FBXO16: variants seen among roughly 807,000 people sequenced by gnomAD.
FBXO16 encodes F-box protein 16, also known as F-box only protein 16.
Under a neutral mutation model 41.0 loss-of-function variants are expected in FBXO16, and 31 were observed. The observed-to-expected ratio is 0.76, with a 90% CI of 0.57 to 1.02. The LOEUF is 1.02. Ranked by LOEUF, FBXO16 falls within the 50% of genes least tolerant of loss-of-function variation. The pLI, the probability that FBXO16 is intolerant of heterozygous loss-of-function variation, is 0.00. For missense variants in FBXO16, 361 were observed against 346.2 expected, an observed-to-expected ratio of 1.04 and a Z score of -0.34; for synonymous variants, 133 against 117.8, an observed-to-expected ratio of 1.13 and a Z score of -0.84.
chr8:28,463,346 TTG>T (rs1464476101), intron 4 of FBXO16, among the ~76,000 whole-genome samples: 1 of 151,186 alleles, frequency 6.6e-6, no homozygotes, highest in African/African-American at 2.4e-5. Context: ...GTGTGTATAT[TTG>T]TGTTTGTGTA....
rs538908200 is a variant in FBXO16 at position 28,433,369 on chromosome 8, T to C, written c.844-3966A>G. ...GGCCAATCAGCGCCTGAATCTTCCA[T>C]GGCTGGATGTGTTTCTGTTGCCCTG... On this transcript the variant is annotated intron_variant, in intron 7 of 8. Coordinates refer to ENST00000380254, the MANE Select transcript of FBXO16 (RefSeq NM_172366.4). Among the ~76,000 whole-genome samples, 4 of 152,366 alleles carry C rather than the reference T, an allele frequency of 2.6e-5. No homozygotes were observed. In the South Asian group the frequency reaches 6.2e-4, roughly 24 times the overall value.
chr8:28,481,005 C>A (rs1264688078), intron 2 of FBXO16, among the ~76,000 whole-genome samples: 1 of 152,018 alleles, frequency 6.6e-6, no homozygotes, highest in East Asian at 1.9e-4. Context: ...GAGGCGAGGG[C>A]GAGAGCACAT....
intron 2 of FBXO16, 85 bp from the exon 3 acceptor site, chr8:28,473,892 G>A (rs1803376860): frequency 4.0e-6 from 4 of 993,590 alleles, no homozygotes; most frequent in Middle Eastern, 5.0e-4. Flanking sequence ...TAAGGGATCG[G>A]TGAATAAACA....
chr8:28,441,249 C>G (rs968479264), intron 7 of FBXO16, among the ~76,000 whole-genome samples: 2 of 152,152 alleles, frequency 1.3e-5, no homozygotes, highest in Non-Finnish European at 2.9e-5. Context: ...CCACCTCTTC[C>G]CTTCCAGGAG....
chr8:28,453,584 A>C (rs763883630), intron 5 of FBXO16, among the ~76,000 whole-genome samples: 3 of 151,908 alleles, frequency 2.0e-5, no homozygotes, highest in Non-Finnish European at 4.4e-5. Flanking sequence ...TAAGGGCTTA[A>C]TTTTTGTTAA....
chr8:28,478,115 T>A (rs1803451902), intron 2 of FBXO16, among the ~76,000 whole-genome samples: 1 of 152,198 alleles, frequency 6.6e-6, no homozygotes, highest in Non-Finnish European at 1.5e-5. Context: ...CAAAGATTTT[T>A]AAAAATAATT....
chr8:28,437,091 C>G (rs1240767755), intron 7 of FBXO16, among the ~76,000 whole-genome samples: 1 of 152,170 alleles, frequency 6.6e-6, no homozygotes, highest in African/African-American at 2.4e-5. Flanking sequence ...GTAACAGTGA[C>G]TAAAGCATGT....
intron 5 of FBXO16, 64 bp downstream of exon 5, chr8:28,456,702 C>A: frequency 6.4e-7 from 1 of 1,565,206 alleles, no homozygotes; most frequent in African/African-American, 1.4e-5. Context: ...ATCCTTTATT[C>A]TTAGTTCTAG....
At chr8:28,430,099 G>T (rs1802584855) in intron 7 of FBXO16, among the ~76,000 whole-genome samples, 1 of 152,178 alleles carries the variant, frequency 6.6e-6, no homozygotes, top group Non-Finnish European at 1.5e-5. Context: ...TTGAGACAGG[G>T]TCTCACTCGG....
chr8:28,467,030 C>T (rs1042179962), intron 3 of FBXO16, among the ~76,000 whole-genome samples: 3 of 152,106 alleles, frequency 2.0e-5, no homozygotes, highest in Admixed American at 2.0e-4. Flanking sequence ...CAGCCTCGAT[C>T]TCCTGGGCTC....
intron 7 of FBXO16, among the ~76,000 whole-genome samples, chr8:28,430,978 TATAA>T (rs1387832868): frequency 6.6e-6 from 1 of 151,930 alleles, no homozygotes; most frequent in African/African-American, 2.4e-5. Context: ...TCTCAAAAAA[TATAA>T]ATAAATAAAA....
At position 28,428,440 on chromosome 8, in the gene FBXO16, C is replaced by T. The variant is rs1802559029; in HGVS notation, c.*287G>A. 4.5e-6 allele frequency: 4 copies of T among 880,870 alleles called. No individual in the cohort carries two copies. Among genetic ancestry groups the T allele is most frequent in the Non-Finnish European group, 5.0e-6 (3 of 604,374 alleles). 54.6% of individuals were successfully genotyped at this position (880,870 alleles called of 1,614,324 possible). On this transcript the variant is annotated 3_prime_UTR_variant, in exon 9 of 9. Coordinates refer to ENST00000380254, the MANE Select transcript of FBXO16 (RefSeq NM_172366.4). ...CATGAATTCCTTTTTACTGAAATACCGTAGGACTCACTACCACAATAAGTA... is the reference window on the plus strand; with the variant it reads ...CATGAATTCCTTTTTACTGAAATACTGTAGGACTCACTACCACAATAAGTA...
intron 7 of FBXO16, among the ~76,000 whole-genome samples, chr8:28,430,154 C>T (rs1374317216): frequency 6.6e-6 from 1 of 152,196 alleles, no homozygotes; most frequent in Non-Finnish European, 1.5e-5. Flanking sequence ...CTCACTGCAG[C>T]CTTGACCTCC....
intron 3 of FBXO16, among the ~76,000 whole-genome samples, chr8:28,468,992 CT>C (rs1241774945): frequency 1.3e-5 from 2 of 152,176 alleles, no homozygotes; most frequent in South Asian, 2.1e-4. Context: ...CATGCATTTC[CT>C]TTTTTTCTAA....
At position 28,460,245 on chromosome 8, in the gene FBXO16, ATTTT is replaced by A. The variant is rs34429050; in HGVS notation, c.343-3319_343-3316del. On this transcript the variant is annotated intron_variant, in intron 4 of 8. Transcript: ENST00000380254. ...TGTGTGTATATATATATATATATAT[ATTTT>A]TTTTTTTTTTTTTTTTTGAGACAAA... Among the ~76,000 whole-genome samples, 332 of 85,402 alleles carry A rather than the reference ATTTT, an allele frequency of 3.9e-3. 2 individuals are homozygous for A. The highest frequency in any genetic ancestry group is 0.019 in the African/African-American group (307 of 15,782). 56.0% of individuals were successfully genotyped at this position (85,402 alleles called of 152,430 possible).
At chr8:28,461,554 G>T (rs1803134388) in intron 4 of FBXO16, among the ~76,000 whole-genome samples, 1 of 133,446 alleles carries the variant, frequency 7.5e-6, no homozygotes, top group East Asian at 2.6e-4. Flanking sequence ...TGGGTTGTTG[G>T]TCTTTTTTTT....
chr8:28,465,451 CA>C (rs1191536030), intron 3 of FBXO16: 1 of 447,630 alleles, frequency 2.2e-6, no homozygotes, highest in Non-Finnish European at 4.5e-6. Context: ...CCCATCTGCA[CA>C]AAAAAATAAA....
chr8:28,460,546 C>T (rs1166877288), intron 4 of FBXO16, among the ~76,000 whole-genome samples: 2 of 150,672 alleles, frequency 1.3e-5, no homozygotes, highest in Non-Finnish European at 2.9e-5. Flanking sequence ...GCCTCAGCCC[C>T]GCCAAATAGC....
chr8:28,445,660 A>G (rs571093333), intron 7 of FBXO16, among the ~76,000 whole-genome samples: 3 of 152,148 alleles, frequency 2.0e-5, no homozygotes, highest in Non-Finnish European at 2.9e-5. Flanking sequence ...ATCAGGACAC[A>G]TGTCTATGGT....
Sources: gnomAD v4.1 joint callset for allele counts (sites outside exome capture counted in the v4.1 genomes callset) on GRCh38, gnomAD v4.1.1 for gene constraint, MANE v1.5 for transcripts, NCBI Gene and HGNC (gene_info 2026-07-23, HGNC 2026-07-21) for gene names.